The following CLEC16A variants were observed in gnomAD, a reference collection of about 807,000 sequenced individuals.
CLEC16A encodes the protein protein CLEC16A.
In CLEC16A, 51 loss-of-function variants were observed where a neutral mutation model predicts 109.5. That is an observed-to-expected ratio of 0.47 (90% CI 0.37 to 0.59). The LOEUF is 0.59. Among genes scored for constraint, CLEC16A ranks in the 20% least tolerant of loss-of-function variants. CLEC16A has a pLI of 0.00. For synonymous variants in CLEC16A, 673 were observed against 564.2 expected, an observed-to-expected ratio of 1.19 and a Z score of -2.73; for missense variants, 1,339 against 1,394.0, an observed-to-expected ratio of 0.96 and a Z score of 0.63.
chr16:10,957,560 T>C (rs1179428437), intron 1 of CLEC16A, among the ~76,000 whole-genome samples: 2 of 152,248 alleles, frequency 1.3e-5, no homozygotes, highest in Non-Finnish European at 2.9e-5. Context: ...TTGACGATTT[T>C]CTTGTCTCCG....
intron 17 of CLEC16A, among the ~76,000 whole-genome samples, chr16:11,049,551 G>A (rs2047824992): frequency 1.3e-5 from 2 of 152,142 alleles, no homozygotes; most frequent in Admixed American, 1.3e-4. Context: ...TGGCATTCCA[G>A]AGAAATACAA....
chr16:10,972,887 C>A (rs775739024), intron 6 of CLEC16A, 51 bp from the exon 7 acceptor site: 1 of 1,515,970 alleles, frequency 6.6e-7, no homozygotes, highest in Non-Finnish European at 8.8e-7. Flanking sequence ...TAATCTTCCC[C>A]AAGTTATTTT....
chr16:11,000,110 T>A (rs1389429400), intron 10 of CLEC16A, among the ~76,000 whole-genome samples: 2 of 152,214 alleles, frequency 1.3e-5, no homozygotes, highest in Non-Finnish European at 2.9e-5. Flanking sequence ...AGTGCTGGGA[T>A]TACAGGCGTG....
At chr16:11,040,196 A>G in intron 14 of CLEC16A, 2 of 300,796 alleles carry the variant, frequency 6.6e-6, no homozygotes, top group Non-Finnish European at 1.2e-5. Flanking sequence ...GGCCCAAGGT[A>G]ATATTATGAG....
intron 13 of CLEC16A, among the ~76,000 whole-genome samples, chr16:11,028,606 G>A (rs757654450): frequency 4.1e-5 from 6 of 145,268 alleles, no homozygotes; most frequent in Non-Finnish European, 9.1e-5. Flanking sequence ...TTTGATCATT[G>A]ATTTTTTAAG....
intron 19 of CLEC16A, among the ~76,000 whole-genome samples, chr16:11,111,273 A>G (rs1290615661): frequency 6.6e-6 from 1 of 152,210 alleles, no homozygotes; most frequent in African/African-American, 2.4e-5. Flanking sequence ...CCCAGGGCTC[A>G]ATGGGAATAA....
intron 20 of CLEC16A, among the ~76,000 whole-genome samples, 184 bp from the exon 21 acceptor site, chr16:11,123,558 C>A (rs949618603): frequency 2.0e-5 from 3 of 152,188 alleles, no homozygotes; most frequent in African/African-American, 4.8e-5. Flanking sequence ...CTGTCCTCTC[C>A]CACTGGGCCT....
chr16:10,958,632 G>A (rs1463964470), intron 2 of CLEC16A, among the ~76,000 whole-genome samples: 1 of 152,196 alleles, frequency 6.6e-6, no homozygotes, highest in Non-Finnish European at 1.5e-5. Flanking sequence ...CGCCAGGCGC[G>A]GTGGCTCACA....
intron 11 of CLEC16A, among the ~76,000 whole-genome samples, chr16:11,007,611 A>G (rs936735807): frequency 6.6e-6 from 1 of 152,196 alleles, no homozygotes; most frequent in African/African-American, 2.4e-5. Flanking sequence ...AGCATGTGAC[A>G]CAGGAGCTTT....
At chr16:11,146,086 T>A (rs1293490051) in intron 22 of CLEC16A, among the ~76,000 whole-genome samples, 2 of 152,154 alleles carry the variant, frequency 1.3e-5, no homozygotes, top group Non-Finnish European at 2.9e-5. Context: ...TCGCCCTGGG[T>A]ACCTATGTGG....
rs1356324977 is a variant in CLEC16A, at chr16:10,962,593, G to T, written c.343+5G>T. 1 of 1,613,456 alleles carries T rather than the reference G, an allele frequency of 6.2e-7. No individual in the cohort carries two copies. Among genetic ancestry groups the T allele is most frequent in the Admixed American group, 1.7e-5 (1 of 59,980 alleles). On this transcript the variant is annotated splice_donor_5th_base_variant and intron_variant, in intron 3 of 23. Coordinates refer to ENST00000409790, the MANE Select transcript of CLEC16A (RefSeq NM_015226.3). ...TCAGTCACGAGACCTCACTTTGTAA[G>T]GACATTCCTTGGTATTTGCCTCTGT...
intron 1 of CLEC16A, among the ~76,000 whole-genome samples, chr16:10,946,579 A>T (rs1425568232): frequency 1.3e-5 from 2 of 151,918 alleles, no homozygotes; most frequent in Non-Finnish European, 2.9e-5. Flanking sequence ...GAATTTATCG[A>T]GTGGGCGGAG....
At chr16:10,949,932 C>G (rs2041636480) in intron 1 of CLEC16A, among the ~76,000 whole-genome samples, 1 of 152,226 alleles carries the variant, frequency 6.6e-6, no homozygotes, top group Non-Finnish European at 1.5e-5. Flanking sequence ...TCCTGCCCAT[C>G]CAAATCCCTA....
chr16:11,004,348 C>T (rs2044860152), intron 11 of CLEC16A, among the ~76,000 whole-genome samples: 1 of 152,190 alleles, frequency 6.6e-6, no homozygotes, highest in Non-Finnish European at 1.5e-5. Context: ...TGATGGGGAG[C>T]TTGATACTTG....
At chr16:11,136,670 G>T (rs1249978848) in intron 22 of CLEC16A, among the ~76,000 whole-genome samples, 1 of 152,244 alleles carries the variant, frequency 6.6e-6, no homozygotes, top group Non-Finnish European at 1.5e-5. Context: ...AAACACCGGG[G>T]TGTAATAGAG....
At chr16:11,027,873 T>C (rs2046505581) in intron 13 of CLEC16A, 4 of 636,444 alleles carry the variant, frequency 6.3e-6, no homozygotes, top group East Asian at 5.5e-5. Flanking sequence ...TTTCCTGCTC[T>C]GTCTTCAAAA....
intron 3 of CLEC16A, among the ~76,000 whole-genome samples, chr16:10,967,944 G>A (rs771218845): frequency 6.6e-6 from 1 of 152,234 alleles, no homozygotes; most frequent in Non-Finnish European, 1.5e-5. Context: ...ACTCCGTGGC[G>A]CAGGGCCGGG....
At chr16:11,025,823 G>C (rs1201631406) in intron 13 of CLEC16A, among the ~76,000 whole-genome samples, 1 of 152,158 alleles carries the variant, frequency 6.6e-6, no homozygotes, top group Non-Finnish European at 1.5e-5. Flanking sequence ...TAGGGAAAAA[G>C]TTTCCCACCT....
chr16:11,007,146 C>A (rs570002194), intron 11 of CLEC16A, among the ~76,000 whole-genome samples: 1 of 152,120 alleles, frequency 6.6e-6, no homozygotes, highest in Non-Finnish European at 1.5e-5. Context: ...TAGGGCTGGA[C>A]TACTGTTTTT....
Sources: allele counts gnomAD v4.1 joint callset (sites outside exome capture counted in the v4.1 genomes callset), GRCh38; gene constraint gnomAD v4.1.1; transcripts MANE v1.5; gene names NCBI Gene and HGNC (gene_info 2026-07-23, HGNC 2026-07-21).